Variants in SHROOM3 observed in about 807,000 individuals in gnomAD.
The protein encoded by SHROOM3 is shroom family member 3.
In SHROOM3, 47 loss-of-function variants were observed where a neutral mutation model predicts 138.6. The ratio of observed to expected loss-of-function variants is 0.34; its 90% CI spans 0.27 to 0.43. SHROOM3 has a LOEUF of 0.43. Ranked by LOEUF, SHROOM3 falls within the 20% of genes least tolerant of loss-of-function variation. The pLI is 1.00. For missense variants in SHROOM3, 2,491 were observed against 2,596.5 expected (o/e 0.96, Z 0.88); for synonymous variants, 1,062 against 1,063.3 (o/e 1.00, Z 0.02).
chr4:76,446,325 TAAAA>T (rs3041169), intron 1 of SHROOM3, among the ~76,000 whole-genome samples: 1 of 143,156 alleles, frequency 7.0e-6, no homozygotes, highest in Non-Finnish European at 1.5e-5. Flanking sequence ...GATAAACTGG[TAAAA>T]AAAAAAAAAA....
At chr4:76,751,820 G>A (rs1183795526) in intron 6 of SHROOM3, among the ~76,000 whole-genome samples, 1 of 152,238 alleles carries the variant, frequency 6.6e-6, no homozygotes, top group African/African-American at 2.4e-5. Flanking sequence ...ACCAGTGTTG[G>A]TGAGGATATG....
At chr4:76,693,377 T>G (rs929210981) in intron 2 of SHROOM3, among the ~76,000 whole-genome samples, 3 of 125,990 alleles carry the variant, frequency 2.4e-5, no homozygotes, top group South Asian at 3.0e-4. Flanking sequence ...TTTGTTTTTT[T>G]TTTTTTTTTT....
chr4:76,445,833 C>T (rs1486227728), intron 1 of SHROOM3, among the ~76,000 whole-genome samples: 2 of 152,196 alleles, frequency 1.3e-5, no homozygotes, highest in African/African-American at 4.8e-5. Flanking sequence ...CTTCCTCCCT[C>T]TCATGTACAT....
intron 2 of SHROOM3, among the ~76,000 whole-genome samples, chr4:76,611,199 A>C (rs769441941): frequency 2.0e-5 from 3 of 152,116 alleles, no homozygotes; most frequent in Non-Finnish European, 2.9e-5. Flanking sequence ...TTTTAAAGTT[A>C]CTTCTTGCCT....
intron 1 of SHROOM3, among the ~76,000 whole-genome samples, chr4:76,502,744 T>C (rs559293414): frequency 6.6e-6 from 1 of 152,380 alleles, no homozygotes; most frequent in East Asian, 1.9e-4. Context: ...TTCCTGTGCT[T>C]TATTCTAAAA....
chr4:76,720,081 C>T (rs999573457), intron 3 of SHROOM3, among the ~76,000 whole-genome samples: 8 of 149,770 alleles, frequency 5.3e-5, no homozygotes, highest in Non-Finnish European at 8.9e-5. Flanking sequence ...TTTCTACCTA[C>T]TGAACCACTT....
intron 4 of SHROOM3, among the ~76,000 whole-genome samples, chr4:76,734,551 C>T (rs1250632650): frequency 2.3e-4 from 33 of 145,006 alleles, no homozygotes; most frequent in Admixed American, 6.9e-4. Flanking sequence ...CACTGTGTTG[C>T]CCAGGCTGGG....
chr4:76,725,386 C>T (rs1720673761), intron 3 of SHROOM3, among the ~76,000 whole-genome samples: 1 of 152,126 alleles, frequency 6.6e-6, no homozygotes. Context: ...ATGTAAGCTC[C>T]TTAAAGGCAG....
chr4:76,616,654 G>T (rs137916584), intron 2 of SHROOM3, among the ~76,000 whole-genome samples: 1 of 152,314 alleles, frequency 6.6e-6, no homozygotes, highest in East Asian at 1.9e-4. Flanking sequence ...AAAGTAGAAT[G>T]GTGGCTGTCG....
At chr4:76,579,559 T>G (rs372591782) in intron 2 of SHROOM3, among the ~76,000 whole-genome samples, 7 of 152,266 alleles carry the variant, frequency 4.6e-5, no homozygotes, top group East Asian at 1.9e-4. Context: ...CTGGAAGTTT[T>G]GCATAATCTG....
At chr4:76,626,072 G>T (rs1007141635) in intron 2 of SHROOM3, among the ~76,000 whole-genome samples, 1 of 152,204 alleles carries the variant, frequency 6.6e-6, no homozygotes, top group South Asian at 2.1e-4. Context: ...TTATAACTCT[G>T]CAGGAGGCAG....
intron 2 of SHROOM3, among the ~76,000 whole-genome samples, chr4:76,557,224 T>TACAC (rs1289575397): frequency 5.6e-5 from 4 of 72,010 alleles, no homozygotes; most frequent in Non-Finnish European, 8.1e-5. Context: ...TATGTTTATG[T>TACAC]ATACACACAC....
intron 5 of SHROOM3, among the ~76,000 whole-genome samples, chr4:76,745,655 G>A (rs1014539588): frequency 2.0e-5 from 3 of 152,198 alleles, no homozygotes; most frequent in African/African-American, 7.2e-5. Context: ...TTTTTGCTGT[G>A]TGCCAGTCAT....
At chr4:76,592,249 G>A (rs902671862) in intron 2 of SHROOM3, among the ~76,000 whole-genome samples, 7 of 152,046 alleles carry the variant, frequency 4.6e-5, no homozygotes, top group African/African-American at 1.2e-4. Context: ...AGAATGTGGC[G>A]GGGCAGAGAG....
intron 1 of SHROOM3, among the ~76,000 whole-genome samples, chr4:76,441,498 C>A (rs1730682140): frequency 6.6e-6 from 1 of 152,188 alleles, no homozygotes; most frequent in Non-Finnish European, 1.5e-5. Flanking sequence ...CACATTAGAT[C>A]AGCTCGTCAT....
At chr4:76,534,673 A>G (rs1427874580) in intron 1 of SHROOM3, among the ~76,000 whole-genome samples, 1 of 152,044 alleles carries the variant, frequency 6.6e-6, no homozygotes, top group Non-Finnish European at 1.5e-5. Context: ...GGTAAGCAGC[A>G]TCCTTAGCCC....
At chr4:76,748,627 C>T (rs1721521627) in intron 5 of SHROOM3, among the ~76,000 whole-genome samples, 1 of 152,132 alleles carries the variant, frequency 6.6e-6, no homozygotes, top group Non-Finnish European at 1.5e-5. Flanking sequence ...CCCGTCATCT[C>T]TCATATTTCC....
At chr4:76,697,902 A>G (rs1056031341) in intron 2 of SHROOM3, among the ~76,000 whole-genome samples, 2 of 152,358 alleles carry the variant, frequency 1.3e-5, no homozygotes, top group South Asian at 2.1e-4. Flanking sequence ...GAGGAAAAAA[A>G]GAATTCAAGC....
intron 2 of SHROOM3, among the ~76,000 whole-genome samples, chr4:76,600,906 T>C (rs1316374625): frequency 6.6e-6 from 1 of 152,210 alleles, no homozygotes; most frequent in Non-Finnish European, 1.5e-5. Context: ...TGATTGCCAC[T>C]GAATCCTCAT....
Sources: gnomAD v4.1 joint callset for allele counts (sites outside exome capture counted in the v4.1 genomes callset) on GRCh38, gnomAD v4.1.1 for gene constraint, MANE v1.5 for transcripts, NCBI Gene and HGNC (gene_info 2026-07-23, HGNC 2026-07-21) for gene names.